Variants in SPG21 observed in about 807,000 individuals in gnomAD.
SPG21 encodes SPG21 abhydrolase domain containing, maspardin, also known as maspardin.
SPG21 carries 26 observed loss-of-function variants against 38.9 expected under a neutral mutation model. The ratio of observed to expected loss-of-function variants is 0.67; its 90% CI spans 0.49 to 0.93. The LOEUF (loss-of-function observed/expected upper bound fraction) is 0.93. Among genes scored for constraint, SPG21 ranks in the 40% least tolerant of loss-of-function variants. The pLI is 0.00. For missense variants in SPG21, 333 were observed against 376.5 expected, an observed-to-expected ratio of 0.88 and a Z score of 0.96; for synonymous variants, 136 against 128.9, an observed-to-expected ratio of 1.05 and a Z score of -0.37.
chr15:64,971,528 G>C (rs1478746182), intron 5 of SPG21, among the ~76,000 whole-genome samples: 1 of 149,748 alleles, frequency 6.7e-6, no homozygotes. Context: ...GACAGAGCCA[G>C]ACTCCGTCTC....
chr15:64,973,669 G>A (rs1463996446), intron 5 of SPG21, among the ~76,000 whole-genome samples: 3 of 152,080 alleles, frequency 2.0e-5, no homozygotes, highest in Admixed American at 1.3e-4. Flanking sequence ...GGCTGGTCTC[G>A]AACTCCCGAC....
At position 64,976,468 on chromosome 15, in the gene SPG21, T is replaced by A; in HGVS notation, c.306+7A>T. The A allele has an allele frequency of 6.3e-7, 1 of 1,593,994 alleles. No individual in the cohort carries two copies. The highest frequency in any genetic ancestry group is 8.6e-7 in the Non-Finnish European group (1 of 1,162,004). On this transcript the variant is annotated splice_region_variant and intron_variant, in intron 4 of 8. Coordinates refer to ENST00000204566, the MANE Select transcript of SPG21 (RefSeq NM_016630.7). ...TGTATGTATGTAATTAGTTTCAGGG[T>A]ACTCACTTTATCCAATTGTAAATGG...
At chr15:64,989,219 G>A (rs2086065167) in intron 1 of SPG21, 1 of 151,894 alleles carries the variant, frequency 6.6e-6, no homozygotes, top group African/African-American at 2.4e-5. Flanking sequence ...TCACTTTCAG[G>A]CCGAGGTCCT....
At chr15:64,971,120 T>C (rs774275859) in intron 5 of SPG21, among the ~76,000 whole-genome samples, 4 of 152,162 alleles carry the variant, frequency 2.6e-5, no homozygotes, top group Non-Finnish European at 4.4e-5. Flanking sequence ...AAGTGCAGTA[T>C]TGTGATCATA....
intron 1 of SPG21, 113 bp downstream of exon 1, chr15:64,989,552 C>G (rs2086073149): frequency 6.5e-6 from 1 of 153,914 alleles, no homozygotes; most frequent in Non-Finnish European, 1.4e-5. Flanking sequence ...CCGGCCCACT[C>G]AGAACACACT....
rs563596370 is a variant in SPG21, at chr15:64,967,834, T to C, written c.669+1421A>G. Among the ~76,000 whole-genome samples the C allele has an allele frequency of 2.2e-4, 33 of 152,208 alleles. 1 individual carries two copies. The highest frequency in any genetic ancestry group is 7.7e-4 in the African/African-American group (32 of 41,534). ...ATTGCCCAGACTGGTCTCGAATTCC[T>C]GGGCTCAAGCAATCCTCTTGAGTCA... On this transcript the variant is annotated intron_variant, in intron 7 of 8. Transcript: ENST00000204566.
chr15:64,971,010 G>A (rs1259084692), intron 5 of SPG21, among the ~76,000 whole-genome samples: 1 of 151,946 alleles, frequency 6.6e-6, no homozygotes, highest in Non-Finnish European at 1.5e-5. Flanking sequence ...ACAGTGCTGG[G>A]ATCACAGGCG....
rs2085483854 is a variant in SPG21, at chr15:64,963,286, A to G, written c.*334T>C. The G allele has an allele frequency of 4.2e-6, 1 of 236,540 alleles. No individual in the cohort carries two copies. 14.7% of individuals were successfully genotyped at this position (236,540 alleles called of 1,614,324 possible). A position where few individuals can be genotyped will look rare whatever the true frequency, so the allele number is the denominator to read the frequency against. ...AGAATGGAAAAGAAAAGAAGAAAAA[A>G]ACCACCACAAAGTCCCAAACCTCAG... On this transcript the variant is annotated 3_prime_UTR_variant, in exon 9 of 9. Transcript: ENST00000204566.
chr15:64,983,843 C>T (rs889824986), intron 1 of SPG21, among the ~76,000 whole-genome samples: 6 of 149,974 alleles, frequency 4.0e-5, no homozygotes, highest in East Asian at 3.9e-4. Flanking sequence ...AGTGCAGTGG[C>T]GTGATCTCAG....
At chr15:64,989,109 G>C (rs2086062788) in intron 1 of SPG21, 1 of 151,852 alleles carries the variant, frequency 6.6e-6, no homozygotes, top group African/African-American at 2.4e-5. Flanking sequence ...CCAGGAAAAC[G>C]AGAAGAGGAA....
At chr15:64,976,644 A>C in intron 3 of SPG21, 89 bp from the exon 4 acceptor site, 2 of 926,002 alleles carry the variant, frequency 2.2e-6, no homozygotes, top group Non-Finnish European at 3.4e-6. Flanking sequence ...TCAAACACTG[A>C]CATTTCTCGT....
chr15:64,976,390 A>G (rs2085773211), intron 4 of SPG21, 85 bp downstream of exon 4: 1 of 958,036 alleles, frequency 1.0e-6, no homozygotes, highest in African/African-American at 1.6e-5. Context: ...GCGCCACTGC[A>G]CTCCAGCCTG....
intron 7 of SPG21, among the ~76,000 whole-genome samples, chr15:64,968,425 G>C (rs2085590624): frequency 6.6e-6 from 1 of 151,386 alleles, no homozygotes; most frequent in Non-Finnish European, 1.5e-5. Flanking sequence ...ATTATGCTAA[G>C]TGAAATGGCC....
intron 2 of SPG21, among the ~76,000 whole-genome samples, chr15:64,982,019 G>A (rs1456688567): frequency 2.0e-5 from 3 of 152,090 alleles, no homozygotes; most frequent in East Asian, 3.8e-4. Flanking sequence ...ATGGAGCAAG[G>A]CAAAGTCCAG....
Position 64,965,440 on chromosome 15 carries a change from A to G in SPG21, c.690T>C (p.Leu230=), listed in dbSNP as rs1230911323. The G allele has an allele frequency of 6.2e-7, 1 of 1,614,072 alleles. No individual in the cohort carries two copies. Among genetic ancestry groups the G allele is most frequent in the African/African-American group, 1.3e-5 (1 of 74,920 alleles). The change falls in exon 8 of 9, where the codon CTT becomes CTC. Residue 230 remains leucine (L), a synonymous_variant. Transcript: ENST00000204566. ...TIMDVFDQSA[L]STEAKEEMYK... ...ACATTTCTTCTTTAGCTTCAGTTGA[A>G]AGCGCACTCTGATCAAACACCTTTA...
At chr15:64,969,687 G>GTTTTTTTT (rs74643667) in intron 6 of SPG21, among the ~76,000 whole-genome samples, 1 of 126,528 alleles carries the variant, frequency 7.9e-6, no homozygotes. Flanking sequence ...ATATGTTTTT[G>GTTTTTTTT]TTTTTTTTTT....
At chr15:64,977,761 G>C (rs932964577) in intron 3 of SPG21, among the ~76,000 whole-genome samples, 4 of 152,062 alleles carry the variant, frequency 2.6e-5, no homozygotes, top group African/African-American at 9.7e-5. Context: ...GCAATGATGA[G>C]GAAAAAGAAG....
At position 64,978,908 on chromosome 15, in the gene SPG21, G is replaced by A. The variant is rs891828268; in HGVS notation, c.225+1956C>T. On this transcript the variant is annotated intron_variant, in intron 3 of 8. Coordinates refer to ENST00000204566, the MANE Select transcript of SPG21 (RefSeq NM_016630.7). ...TTGTACTACAGTTTTGCAAAGGTTC[G>A]GCAGAAACTGGGGAAATGTGTAAAA... Among the ~76,000 whole-genome samples the A allele has an allele frequency of 3.9e-5, 6 of 152,174 alleles. No individual in the cohort carries two copies. In the East Asian group the frequency reaches 5.8e-4, roughly 15 times the overall value.
chr15:64,968,930 C>T (rs1407694996), intron 7 of SPG21, among the ~76,000 whole-genome samples: 3 of 152,038 alleles, frequency 2.0e-5, no homozygotes, highest in Admixed American at 1.3e-4. Flanking sequence ...TAAATACAGA[C>T]AGGGTCTCAC....
Sources: allele counts gnomAD v4.1 joint callset (sites outside exome capture counted in the v4.1 genomes callset), GRCh38; gene constraint gnomAD v4.1.1; transcripts MANE v1.5; gene names NCBI Gene and HGNC (gene_info 2026-07-23, HGNC 2026-07-21).